Variants in RNF216 observed in about 807,000 individuals in gnomAD.
RNF216 encodes ring finger protein 216.
In RNF216, 72 loss-of-function variants were observed where a neutral mutation model predicts 110.8. The ratio of observed to expected loss-of-function variants is 0.65; its 90% CI spans 0.54 to 0.79. The LOEUF is 0.79. Ranked by LOEUF, RNF216 falls within the 30% of genes least tolerant of loss-of-function variation. RNF216 has a pLI of 0.00. For synonymous variants in RNF216, 495 were observed against 407.5 expected, an observed-to-expected ratio of 1.21 and a Z score of -2.59; for missense variants, 1,342 against 1,141.2, an observed-to-expected ratio of 1.18 and a Z score of -2.54.
chr7:5,732,529 T>C (rs1221446120), intron 5 of RNF216, among the ~76,000 whole-genome samples: 1 of 152,202 alleles, frequency 6.6e-6, no homozygotes, highest in Non-Finnish European at 1.5e-5. Flanking sequence ...CTTCAAATAC[T>C]GAAATGCTAC....
intron 13 of RNF216, among the ~76,000 whole-genome samples, chr7:5,659,792 A>G (rs1788984362): frequency 1.3e-5 from 2 of 152,190 alleles, no homozygotes; most frequent in South Asian, 4.1e-4. Context: ...AAGGTGTGCC[A>G]ACACCAAGCC....
intron 4 of RNF216, among the ~76,000 whole-genome samples, 155 bp downstream of exon 4, chr7:5,740,818 C>G (rs567931221): frequency 6.6e-6 from 1 of 151,266 alleles, no homozygotes; most frequent in East Asian, 1.9e-4. Context: ...TTCATGTCTT[C>G]AGAGTGTCTC....
At position 5,623,122 on chromosome 7, in the gene RNF216, C is replaced by G; in HGVS notation, c.2510G>C (p.Arg837Thr). 1.2e-5 allele frequency: 20 copies of G among 1,600,010 alleles called. No individual in the cohort carries two copies. Among genetic ancestry groups the G allele is most frequent in the Non-Finnish European group, 1.6e-5 (19 of 1,169,352 alleles). Residue 837 changes from arginine to threonine, a missense_variant, in exon 17 of 17, where the codon AGG (arginine) becomes ACG (threonine). Physicochemically the swap from Arg to Thr is moderately conservative, Grantham distance 71. Transcript: ENST00000389902. ...AACGGGCCTCGGGAGGGCCTCCACCCTCTGCACCTTCTCCACAGGCTTCTC... is the reference window on the plus strand; with the variant it reads ...AACGGGCCTCGGGAGGGCCTCCACCGTCTGCACCTTCTCCACAGGCTTCTC... ...PLEKPVEKVQ[R>T]VEALPRPVPQ...
rs1471749713 is a variant in RNF216 at position 5,666,156 on chromosome 7, A to T, written c.2062-13646T>A. Reference sequence around the variant, plus strand: ...ACTCCAGCCTGGGCGACAGAGTGAGACTCCGTCTCAAAAAAAAAAAAAAAA... The same window carrying T: ...ACTCCAGCCTGGGCGACAGAGTGAGTCTCCGTCTCAAAAAAAAAAAAAAAA... On this transcript the variant is annotated intron_variant, in intron 13 of 16. Coordinates refer to ENST00000389902, the MANE Select transcript of RNF216 (RefSeq NM_207111.4). Among the ~76,000 whole-genome samples, 11 of 140,806 alleles carry T rather than the reference A, an allele frequency of 7.8e-5. No individual in the cohort carries two copies. The Admixed American group carries it at 8.2e-4, about 10-fold the overall frequency. 92.4% of individuals were successfully genotyped at this position (140,806 alleles called of 152,430 possible).
chr7:5,763,563 G>A (rs1400341995), intron 1 of RNF216, among the ~76,000 whole-genome samples: 3 of 151,996 alleles, frequency 2.0e-5, no homozygotes, highest in Admixed American at 2.0e-4. Flanking sequence ...CCAGTAGGAG[G>A]AGGTTGTAGT....
At chr7:5,651,187 A>G (rs1024043051) in intron 14 of RNF216, among the ~76,000 whole-genome samples, 8 of 151,944 alleles carry the variant, frequency 5.3e-5, no homozygotes, top group African/African-American at 1.9e-4. Flanking sequence ...GCAGAAGAGA[A>G]TATCACCTTC....
chr7:5,689,743 T>G (rs1584457098), intron 13 of RNF216, among the ~76,000 whole-genome samples: 1 of 151,678 alleles, frequency 6.6e-6, no homozygotes, highest in East Asian at 2.0e-4. Flanking sequence ...CACCTAAGGT[T>G]AGGAGTTCAA....
chr7:5,641,096 T>C, intron 15 of RNF216, 58 bp downstream of exon 15: 2 of 1,334,566 alleles, frequency 1.5e-6, no homozygotes, highest in Non-Finnish European at 2.1e-6. Flanking sequence ...ATATTTGTCA[T>C]AAAAATATAT....
At chr7:5,661,527 G>A (rs1476907218) in intron 13 of RNF216, among the ~76,000 whole-genome samples, 1 of 152,202 alleles carries the variant, frequency 6.6e-6, no homozygotes, top group Non-Finnish European at 1.5e-5. Flanking sequence ...ATACGGCTGG[G>A]CATGGTGGTT....
chr7:5,651,229 CT>C (rs955863686), intron 14 of RNF216, among the ~76,000 whole-genome samples: 148 of 144,340 alleles, frequency 1.0e-3, no homozygotes, highest in South Asian at 1.1e-3. Flanking sequence ...ACAATCTTCT[CT>C]TTTTTTTTTT....
chr7:5,688,921 C>G (rs1004673288), intron 13 of RNF216, among the ~76,000 whole-genome samples: 1 of 152,124 alleles, frequency 6.6e-6, no homozygotes, highest in African/African-American at 2.4e-5. Flanking sequence ...AGTCTGAACT[C>G]AAATGTTGAC....
At chr7:5,665,600 T>C (rs1358181808) in intron 13 of RNF216, among the ~76,000 whole-genome samples, 1 of 152,006 alleles carries the variant, frequency 6.6e-6, no homozygotes, top group Non-Finnish European at 1.5e-5. Flanking sequence ...AGACACCAGC[T>C]TGACTGCTCT....
chr7:5,721,337 A>G (rs1457094836), intron 8 of RNF216, among the ~76,000 whole-genome samples, 165 bp from the exon 9 acceptor site: 2 of 152,088 alleles, frequency 1.3e-5, no homozygotes, highest in African/African-American at 4.8e-5. Context: ...GCTTCTTACC[A>G]TTAGCCAACC....
intron 13 of RNF216, among the ~76,000 whole-genome samples, chr7:5,701,047 G>A (rs2128620832): frequency 6.6e-6 from 1 of 152,228 alleles, no homozygotes; most frequent in Non-Finnish European, 1.5e-5. Context: ...TGAAACCTGA[G>A]AGAAGGAGCA....
intron 13 of RNF216, among the ~76,000 whole-genome samples, chr7:5,669,335 T>C (rs765811148): frequency 6.6e-6 from 1 of 152,226 alleles, no homozygotes. Flanking sequence ...ATGAGATCTT[T>C]AGAAGACCAA....
At chr7:5,638,633 ATTTTT>A (rs34089106) in intron 15 of RNF216, among the ~76,000 whole-genome samples, 1 of 139,322 alleles carries the variant, frequency 7.2e-6, no homozygotes. Flanking sequence ...AAAAGCAAGC[ATTTTT>A]TTTTTTTTTT....
At chr7:5,714,537 C>T (rs921891400) in intron 11 of RNF216, among the ~76,000 whole-genome samples, 85 of 152,196 alleles carry the variant, frequency 5.6e-4, no homozygotes, top group African/African-American at 2.0e-3. Context: ...GGATTACAGG[C>T]GTGAGCCACC....
intron 1 of RNF216, among the ~76,000 whole-genome samples, chr7:5,778,814 G>C (rs62455883): frequency 6.6e-6 from 1 of 152,060 alleles, no homozygotes; most frequent in Non-Finnish European, 1.5e-5. Flanking sequence ...CACAATCTCG[G>C]ATCACTGCAA....
chr7:5,741,222 A>C lies in RNF216; in HGVS notation c.795T>G (p.Phe265Leu). ...AAGCGGGCCCTGGGAATTCATGCTG[A>C]AACAACAAGCGGCCCAGTTCTGCTT... The part of the protein sequence containing the change: ...QPEAELGRLL[F>L]QHEFPGPAFP... Residue 265 changes from phenylalanine to leucine, a missense_variant, in exon 4 of 17, where the codon TTT (phenylalanine) becomes TTG (leucine). Physicochemically the swap from Phe to Leu is conservative, Grantham distance 22 (BLOSUM62 0). Transcript: ENST00000389902. 1 of 1,614,130 alleles carries C rather than the reference A, an allele frequency of 6.2e-7. No individual in the cohort carries two copies. The highest frequency in any genetic ancestry group is 8.5e-7 in the Non-Finnish European group (1 of 1,180,028).
Sources: allele counts gnomAD v4.1 joint callset (sites outside exome capture counted in the v4.1 genomes callset), GRCh38; gene constraint gnomAD v4.1.1; transcripts MANE v1.5; gene names NCBI Gene and HGNC (gene_info 2026-07-23, HGNC 2026-07-21).